The following SDS variants were observed in gnomAD, a reference collection of about 807,000 sequenced individuals.
SDS encodes the protein L-serine dehydratase/L-threonine deaminase.
Under a neutral mutation model 29.3 loss-of-function variants are expected in SDS, and 19 were observed. The observed-to-expected ratio is 0.65, with a 90% CI of 0.45 to 0.95. The LOEUF (loss-of-function observed/expected upper bound fraction) is 0.95, where lower values mean the gene tolerates loss of function less well. SDS is among the 40% of genes least tolerant of loss of function. SDS has a pLI of 0.00. For synonymous variants in SDS, 176 were observed against 189.0 expected (o/e 0.93, Z 0.56); for missense variants, 375 against 439.9 (o/e 0.85, Z 1.32).
At chr12:113,396,611 C>CT in intron 6 of SDS, 1 of 128,016 alleles carries the variant, frequency 7.8e-6, no homozygotes, top group African/African-American at 3.0e-5. Context: ...CCCTCCCTTC[C>CT]TCCCTCCCTC....
intron 7 of SDS, among the ~76,000 whole-genome samples, chr12:113,393,599 A>G (rs1593296592): frequency 6.6e-6 from 1 of 151,714 alleles, no homozygotes; most frequent in South Asian, 2.1e-4. Flanking sequence ...TCCTTTTTTT[A>G]CCCTGGCTGC....
intron 7 of SDS, among the ~76,000 whole-genome samples, 167 bp downstream of exon 7, chr12:113,393,725 C>A (rs548824060): frequency 6.6e-6 from 1 of 152,294 alleles, no homozygotes; most frequent in East Asian, 1.9e-4. Context: ...TTTTCTATTT[C>A]TACACGGCAT....
At chr12:113,393,678 C>A (rs917095610) in intron 7 of SDS, among the ~76,000 whole-genome samples, 1 of 152,218 alleles carries the variant, frequency 6.6e-6, no homozygotes, top group Non-Finnish European at 1.5e-5. Context: ...ATCAGGCTTA[C>A]TTTTCTATTT....
At chr12:113,393,191 C>T in intron 7 of SDS, 42 bp from the exon 8 acceptor site, 1 of 1,587,262 alleles carries the variant, frequency 6.3e-7, no homozygotes, top group Non-Finnish European at 8.6e-7. Context: ...CCTGAGTTTC[C>T]CAGGGTGCAC....
intron 6 of SDS, among the ~76,000 whole-genome samples, chr12:113,394,996 A>G (rs1957636222): frequency 6.6e-6 from 1 of 152,204 alleles, no homozygotes; most frequent in African/African-American, 2.4e-5. Context: ...TTAGGTGCCA[A>G]GCACTTCACA....
At chr12:113,402,803 T>C (rs1957692185) in intron 1 of SDS, among the ~76,000 whole-genome samples, 1 of 152,160 alleles carries the variant, frequency 6.6e-6, no homozygotes, top group South Asian at 2.1e-4. Flanking sequence ...ATCCATTAAC[T>C]GCATCCAGCC....
chr12:113,400,468 G>GTC (rs1330668326), intron 1 of SDS, among the ~76,000 whole-genome samples: 1 of 150,482 alleles, frequency 6.6e-6, no homozygotes, highest in Non-Finnish European at 1.5e-5. Flanking sequence ...GTGAGACTGT[G>GTC]TCTCAAAAAA....
Position 113,398,838 on chromosome 12 carries a change from C to A in SDS, c.202G>T (p.Ala68Ser). The A allele has an allele frequency of 3.1e-6, 5 of 1,605,354 alleles. No individual in the cohort carries two copies. The highest frequency in any genetic ancestry group is 4.3e-6 in the Non-Finnish European group (5 of 1,176,104). Residue 68 changes from alanine (A) to serine (S), a missense_variant, in exon 4 of 8, where the codon GCA becomes TCA. By Grantham distance (99) the Ala-to-Ser change is moderately conservative (BLOSUM62 1). Coordinates refer to ENST00000257549, the MANE Select transcript of SDS (RefSeq NM_006843.3). ...AHFVCSSAGN[A>S]GMAAAYAARQ... Reference sequence around the variant, plus strand: ...GCCGCATATGCAGCCGCCATGCCTGCGTTGCCCGCTGCCAGGGTCGGGGGT... The same window carrying A: ...GCCGCATATGCAGCCGCCATGCCTGAGTTGCCCGCTGCCAGGGTCGGGGGT...
chr12:113,393,268 G>A, intron 7 of SDS, 119 bp from the exon 8 acceptor site: 1 of 988,864 alleles, frequency 1.0e-6, no homozygotes, highest in Non-Finnish European at 1.5e-6. Context: ...CCTGGCTGCA[G>A]CCGCAGGTCC....
rs1318943197 is a variant in SDS, at chr12:113,398,861, G to A, written c.194-15C>T. ...TGCGTTGCCCGCTGCCAGGGTCGGGGGTGGAGAGCGTGTCAGTGCGGGAGC... is the reference window on the plus strand; with the variant it reads ...TGCGTTGCCCGCTGCCAGGGTCGGGAGTGGAGAGCGTGTCAGTGCGGGAGC... On this transcript the variant is annotated splice_polypyrimidine_tract_variant and intron_variant, in intron 3 of 7. Transcript: ENST00000257549. The A allele has an allele frequency of 3.1e-6, 5 of 1,589,766 alleles. No individual in the cohort carries two copies. Among genetic ancestry groups the A allele is most frequent in the East Asian group, 2.3e-5 (1 of 43,446 alleles).
chr12:113,393,872 T>C lies in SDS; in HGVS notation c.778+20A>G. 1 of 1,614,086 alleles carries C rather than the reference T, an allele frequency of 6.2e-7. No homozygotes were observed. The highest frequency in any genetic ancestry group is 8.5e-7 in the Non-Finnish European group (1 of 1,179,988). ...GCGCCTGAGTCAGCAGGTCAGGTCA[T>C]GGGAGGACCTGGCACATACCCACGA... On this transcript the variant is annotated intron_variant, in intron 7 of 7. Transcript: ENST00000257549.
At chr12:113,401,690 A>G (rs1182375181) in intron 1 of SDS, among the ~76,000 whole-genome samples, 1 of 152,114 alleles carries the variant, frequency 6.6e-6, no homozygotes, top group Non-Finnish European at 1.5e-5. Context: ...TCTGCGACCC[A>G]TGGGTGTGGC....
At chr12:113,399,388 A>T in intron 2 of SDS, 168 bp downstream of exon 2, 2 of 934,336 alleles carry the variant, frequency 2.1e-6, no homozygotes, top group Non-Finnish European at 3.1e-6. Context: ...ACCCTCCTGG[A>T]AGGGCACCCC....
In SDS at chr12:113,396,544, CCCTTCCTTCCTTCCTTCCTT is replaced by C. The variant is rs747637585; in HGVS notation, c.653+601_653+620del. ...TCTTTCCCTCCCTCCCTCCCTCTCT[CCCTTCCTTCCTTCCTTCCTT>C]CCTTCCTTCCTTCCTTCCTTCCTTC... On this transcript the variant is annotated intron_variant, in intron 6 of 7. Transcript: ENST00000257549. 117 of 25,788 alleles carry C rather than the reference CCCTTCCTTCCTTCCTTCCTT, an allele frequency of 4.5e-3. 1 individual carries two copies. The highest frequency in any genetic ancestry group is 0.017 in the African/African-American group (99 of 5,926). The allele number at this position is 25,788 out of a possible 1,614,324, so 1.6% of individuals were successfully genotyped here.
intron 1 of SDS, 117 bp from the exon 2 acceptor site, chr12:113,399,827 C>G: frequency 9.7e-7 from 1 of 1,030,566 alleles, no homozygotes; most frequent in Non-Finnish European, 1.3e-6. Flanking sequence ...GACGAGAGAG[C>G]ATCCTGGAGA....
chr12:113,399,551 C>A lies in SDS; in HGVS notation c.153+5G>T. The A allele has an allele frequency of 6.3e-7, 1 of 1,575,100 alleles. No homozygotes were observed. Among genetic ancestry groups the A allele is most frequent in the East Asian group, 2.3e-5 (1 of 44,102 alleles). Reference sequence around the variant, plus strand: ...TGCCCAGATAATGCTGACCCGGTCCCGTACCCTCTTGCAGAAGTGCCCAAT... The same window carrying A: ...TGCCCAGATAATGCTGACCCGGTCCAGTACCCTCTTGCAGAAGTGCCCAAT... On this transcript the variant is annotated splice_donor_5th_base_variant and intron_variant, in intron 2 of 7. Transcript: ENST00000257549.
At chr12:113,400,222 G>A (rs1266650001) in intron 1 of SDS, among the ~76,000 whole-genome samples, 1 of 152,184 alleles carries the variant, frequency 6.6e-6, no homozygotes, top group Non-Finnish European at 1.5e-5. Flanking sequence ...GAACCCAGGA[G>A]GCGGAGGTTG....
intron 6 of SDS, among the ~76,000 whole-genome samples, chr12:113,395,733 A>C (rs540648349): frequency 2.1e-4 from 32 of 152,320 alleles, no homozygotes; most frequent in Admixed American, 1.8e-3. Flanking sequence ...TGGCGCCCTG[A>C]CTTTTCATGG....
intron 1 of SDS, among the ~76,000 whole-genome samples, chr12:113,403,439 G>A (rs1295400272): frequency 3.9e-5 from 6 of 152,034 alleles, no homozygotes; most frequent in African/African-American, 9.7e-5. Context: ...CAGGAGAATC[G>A]CTTGAACCCA....
Sources: allele counts gnomAD v4.1 joint callset (sites outside exome capture counted in the v4.1 genomes callset), GRCh38; gene constraint gnomAD v4.1.1; transcripts MANE v1.5; gene names NCBI Gene and HGNC (gene_info 2026-07-23, HGNC 2026-07-21).